DNAH5: variants seen among roughly 807,000 people sequenced by gnomAD.
The protein encoded by DNAH5 is axonemal beta dynein heavy chain 5.
DNAH5 carries 372 observed loss-of-function variants against 518.2 expected under a neutral mutation model. The observed-to-expected ratio is 0.72, with a 90% CI of 0.66 to 0.78. The LOEUF (loss-of-function observed/expected upper bound fraction) is 0.78. DNAH5 is among the 30% of genes least tolerant of loss of function. The pLI is 0.00. For synonymous variants in DNAH5, 2,039 were observed against 2,025.9 expected (o/e 1.01, Z -0.17); for missense variants, 5,523 against 5,687.0 (o/e 0.97, Z 0.93).
Position 13,890,962 on chromosome 5 carries a change from A to G in DNAH5, c.2577+14T>C. ...CCAAAAACCTTAAACAAAAAAAATC[A>G]AGGTTTTAATGACCTTTGTCATTTG... is the stretch of plus-strand genomic sequence containing the variant. On this transcript the variant is annotated intron_variant, in intron 17 of 78. Coordinates refer to ENST00000265104, the MANE Select transcript of DNAH5 (RefSeq NM_001369.3). The G allele has an allele frequency of 6.2e-7, 1 of 1,613,880 alleles. No individual in the cohort carries two copies. Among genetic ancestry groups the G allele is most frequent in the Non-Finnish European group, 8.5e-7 (1 of 1,179,900 alleles).
At chr5:13,807,462 C>T (rs933483813) in intron 47 of DNAH5, 129 bp downstream of exon 47, 23 of 806,360 alleles carry the variant, frequency 2.9e-5, no homozygotes, top group South Asian at 1.1e-4. Flanking sequence ...GAATGGAAGA[C>T]GTACGTGGGT....
chr5:13,872,672 G>C (rs565216876), intron 22 of DNAH5, among the ~76,000 whole-genome samples: 1 of 152,150 alleles, frequency 6.6e-6, no homozygotes, highest in South Asian at 2.1e-4. Flanking sequence ...TGGTAAATAG[G>C]GGACAGTGCT....
At chr5:13,732,140 G>A (rs1299796237) in intron 68 of DNAH5, among the ~76,000 whole-genome samples, 2 of 142,830 alleles carry the variant, frequency 1.4e-5, no homozygotes, top group African/African-American at 2.6e-5. Context: ...AAAAAAAAAT[G>A]GAAATCTGTT....
In DNAH5 at chr5:14,011,692, T is replaced by C. The variant is rs963184628; in HGVS notation, c.-33A>G. ...TGCTGCGGCGCTCCGCTGGGACTCG[T>C]AGCGCTCCCCCGGTGCAGGGAGGAC... On this transcript the variant is annotated 5_prime_UTR_variant, in exon 1 of 79. Coordinates refer to the DNAH5 transcript ENST00000681290. Among the ~76,000 whole-genome samples, 43 of 152,104 alleles carry C rather than the reference T, an allele frequency of 2.8e-4. 1 individual carries two copies.
At chr5:13,921,337 T>C (rs183809683) in intron 5 of DNAH5, among the ~76,000 whole-genome samples, 30 of 152,136 alleles carry the variant, frequency 2.0e-4, no homozygotes, top group Non-Finnish European at 3.2e-4. Flanking sequence ...ACTGTCATCA[T>C]TACCATAGGA....
Position 13,758,898 on chromosome 5 carries a change from G to A in DNAH5, c.10367C>T (p.Ala3456Val), listed in dbSNP as rs149956015. ...KAQAELDDKQAELDVVQAEYE... is the reference protein window; with the variant it reads ...KAQAELDDKQVELDVVQAEYE... ...CTCAGCCTGCACCACGTCAAGTTCC[G>A]CCTGCTTGTCATCCAACTCGGCCTG... Residue 3456 changes from alanine (A) to valine (V), a missense_variant, in exon 61 of 79, where the codon GCG becomes GTG. Transcript: ENST00000265104. 7.8e-4 allele frequency: 1,267 copies of A among 1,614,106 alleles called. 1 individual carries two copies. Among genetic ancestry groups the A allele is most frequent in the Non-Finnish European group, 9.4e-4 (1,115 of 1,180,008 alleles).
Position 13,809,182 on chromosome 5 carries a change from T to G in DNAH5, c.7614A>C (p.Thr2538=), listed in dbSNP as rs756112960. Residue 2538 remains threonine (T), a synonymous_variant, in exon 46 of 79, where the codon ACA becomes ACC. Transcript: ENST00000265104. ...GGGTACGCGTGTTCCAGTGCGTCCA[T>G]GTACCTAAGGTGAGCAGAGGACATT... is the stretch of plus-strand genomic sequence containing the variant. ...AFDYYVAPDG[T]WTHWNTRTQE... 4 of 1,614,032 alleles carry G rather than the reference T, an allele frequency of 2.5e-6. No homozygotes were observed. Among genetic ancestry groups the G allele is most frequent in the Admixed American group, 3.3e-5 (2 of 60,000 alleles).
At chr5:13,995,768 C>G (rs536155225) in intron 1 of DNAH5, among the ~76,000 whole-genome samples, 3 of 152,286 alleles carry the variant, frequency 2.0e-5, no homozygotes, top group Admixed American at 6.5e-5. Context: ...TTTTGACCCT[C>G]TCTTTATTCA....
rs6554820 is a variant in DNAH5 at position 13,850,641 on chromosome 5, A to G, written c.5114+11T>C. ...GGATACCGAGAGCTTTCAAAGAGCC[A>G]GTGAACTTACCCAGTAAGGGATTTC... On this transcript the variant is annotated intron_variant, in intron 31 of 78. Transcript: ENST00000265104. The G allele has an allele frequency of 0.41, 653,436 of 1,611,744 alleles. 134,911 individuals are homozygous for G. Among genetic ancestry groups the G allele is most frequent in the South Asian group, 0.47 (42,910 of 90,982 alleles).
chr5:13,699,066 A>G (rs1444317066), intron 78 of DNAH5, among the ~76,000 whole-genome samples: 1 of 152,146 alleles, frequency 6.6e-6, no homozygotes, highest in Non-Finnish European at 1.5e-5. Flanking sequence ...CAACCCCAGC[A>G]CTAGGGCAGT....
At chr5:13,940,721 G>A (rs1030991247) in intron 1 of DNAH5, among the ~76,000 whole-genome samples, 2 of 152,112 alleles carry the variant, frequency 1.3e-5, no homozygotes, top group Admixed American at 6.5e-5. Context: ...TAGTATGACC[G>A]AGTTCTCACT....
intron 21 of DNAH5, among the ~76,000 whole-genome samples, chr5:13,882,145 G>A (rs1389289763): frequency 6.6e-6 from 1 of 151,916 alleles, no homozygotes; most frequent in Non-Finnish European, 1.5e-5. Flanking sequence ...CCTATAGTAA[G>A]AAAGAAGATC....
In DNAH5 at chr5:13,716,622, G is replaced by T. The variant is rs199639743; in HGVS notation, c.12774C>A (p.Asp4258Glu). Residue 4258 changes from aspartate (D) to glutamate (E), a missense_variant, in exon 74 of 79, where the codon GAC (aspartate) becomes GAA (glutamate). Around this residue, in one of 3 missense-constraint regions of DNAH5, gnomAD observed 15 missense variants for 33.6 expected, o/e 0.45. Coordinates refer to ENST00000265104, the MANE Select transcript of DNAH5 (RefSeq NM_001369.3). ...EIQYGGRVTD[D>E]YDKRLLNTFA... Reference sequence around the variant, plus strand: ...ATGTGTTCAACAATCTCTTATCATAGTCGTCAGTGACTCTGCCTCCATATT... The same window carrying T: ...ATGTGTTCAACAATCTCTTATCATATTCGTCAGTGACTCTGCCTCCATATT... 1 of 1,613,874 alleles carries T rather than the reference G, an allele frequency of 6.2e-7. No homozygotes were observed. The highest frequency in any genetic ancestry group is 8.5e-7 in the Non-Finnish European group (1 of 1,179,786).
At chr5:13,777,105 G>GCACTTATT in intron 54 of DNAH5, 97 bp downstream of exon 54, 1 of 1,173,468 alleles carries the variant, frequency 8.5e-7, no homozygotes, top group South Asian at 1.3e-5. Context: ...ATCCCCAATA[G>GCACTTATT]CACTTATTCA....
rs1185179518 is a variant in DNAH5 at position 13,808,970 on chromosome 5, TA to T, written c.7752+73del. On this transcript the variant is annotated intron_variant, in intron 46 of 78. Coordinates refer to ENST00000265104, the MANE Select transcript of DNAH5 (RefSeq NM_001369.3). ...GTGAGACTCCGTCTCAGTAAATAAC[TA>T]AATAAATAAATGCAGGATGCTTCAT... 8.9e-6 allele frequency: 14 copies of T among 1,568,258 alleles called. No individual in the cohort carries two copies. The African/African-American group carries it at 1.6e-4, about 18-fold the overall frequency.
chr5:13,842,437 A>AGAGAGAGAGAG (rs1561407249), intron 32 of DNAH5, among the ~76,000 whole-genome samples: 1,170 of 91,228 alleles, frequency 0.013, 128 homozygotes, highest in East Asian at 0.034. Flanking sequence ...GAAAGAAAGA[A>AGAGAGAGAGAG]AGAAAGAAAG....
At chr5:13,734,982 T>A in intron 68 of DNAH5, 149 bp downstream of exon 68, 1 of 754,364 alleles carries the variant, frequency 1.3e-6, no homozygotes, top group African/African-American at 1.7e-5. Context: ...TAGTTATCAC[T>A]CAAGAAAAGA....
chr5:13,818,630 G>T (rs1431051683), intron 41 of DNAH5, among the ~76,000 whole-genome samples: 1 of 152,138 alleles, frequency 6.6e-6, no homozygotes, highest in Admixed American at 6.5e-5. Flanking sequence ...TTCCTTAGAG[G>T]ATTTTCTCAT....
At chr5:13,696,099 C>T (rs372224847) in intron 78 of DNAH5, among the ~76,000 whole-genome samples, 5 of 152,134 alleles carry the variant, frequency 3.3e-5, no homozygotes, top group African/African-American at 9.7e-5. Context: ...ATGGGTCAGA[C>T]GGTGTTCTTA....
Sources: allele counts gnomAD v4.1 joint callset (sites outside exome capture counted in the v4.1 genomes callset), GRCh38; gene constraint gnomAD v4.1.1; regional missense constraint gnomAD v4.1.1; transcripts MANE v1.5; gene names NCBI Gene and HGNC (gene_info 2026-07-23, HGNC 2026-07-21).